Variants in NAV3 observed in about 807,000 individuals in gnomAD.
NAV3 encodes the protein neuron navigator 3.
Under a neutral mutation model 244.7 loss-of-function variants are expected in NAV3, and 87 were observed. The ratio of observed to expected loss-of-function variants is 0.36; its 90% CI spans 0.30 to 0.42. The LOEUF (loss-of-function observed/expected upper bound fraction) is 0.42. Among genes scored for constraint, NAV3 ranks in the 20% least tolerant of loss-of-function variants. The probability of loss-of-function intolerance (pLI) is 1.00; values close to 1 mark genes in which losing one functional copy is unlikely to be tolerated. For synonymous variants in NAV3, 1,126 were observed against 1,042.2 expected (o/e 1.08, Z -1.55); for missense variants, 2,663 against 2,893.3 (o/e 0.92, Z 1.83).
chr12:78,115,306 AG>A (rs1032896738), intron 12 of NAV3, among the ~76,000 whole-genome samples: 1 of 152,162 alleles, frequency 6.6e-6, no homozygotes, highest in Admixed American at 6.5e-5. Context: ...TCTTTACAGC[AG>A]TGCCCCACTC....
At chr12:77,766,067 G>A (rs1172294286) in intron 2 of NAV3, among the ~76,000 whole-genome samples, 1 of 152,108 alleles carries the variant, frequency 6.6e-6, no homozygotes, top group Non-Finnish European at 1.5e-5. Flanking sequence ...AGGAGATATT[G>A]AATGGTCAAA....
intron 9 of NAV3, among the ~76,000 whole-genome samples, chr12:78,044,048 G>GT (rs1345987915): frequency 1.3e-5 from 2 of 152,284 alleles, no homozygotes; most frequent in South Asian, 2.1e-4. Context: ...TTCTTCTAGG[G>GT]TTTTTATGGT....
chr12:77,698,326 C>G (rs1196934013), intron 2 of NAV3, among the ~76,000 whole-genome samples: 1 of 152,062 alleles, frequency 6.6e-6, no homozygotes, highest in Admixed American at 6.6e-5. Flanking sequence ...CGAATCATTT[C>G]TCCATTTATT....
intron 2 of NAV3, among the ~76,000 whole-genome samples, chr12:77,586,233 T>C (rs926287889): frequency 2.6e-5 from 4 of 152,234 alleles, no homozygotes; most frequent in African/African-American, 9.6e-5. Context: ...CTCTATTCTG[T>C]ATCTTCTTAT....
intron 2 of NAV3, among the ~76,000 whole-genome samples, chr12:77,580,909 G>T (rs188384112): frequency 6.6e-6 from 1 of 152,290 alleles, no homozygotes; most frequent in East Asian, 1.9e-4. Flanking sequence ...TAAATCCACA[G>T]GGGGAATATG....
intron 2 of NAV3, among the ~76,000 whole-genome samples, chr12:77,596,774 G>C (rs1419945133): frequency 6.6e-6 from 1 of 152,038 alleles, no homozygotes; most frequent in African/African-American, 2.4e-5. Flanking sequence ...CGAAGGAGTG[G>C]GCTTGGGTGA....
chr12:77,604,301 CAAAA>C (rs1870573596), intron 2 of NAV3, among the ~76,000 whole-genome samples: 1 of 151,384 alleles, frequency 6.6e-6, no homozygotes, highest in South Asian at 2.1e-4. Flanking sequence ...AGCAGAAAGA[CAAAA>C]GAAAATTGAA....
In NAV3 at chr12:78,006,595, T is replaced by G. The variant is rs768621313; in HGVS notation, c.1057T>G (p.Ser353Ala). The change falls in exon 8 of 40, where the codon TCA becomes GCA. Residue 353 changes from serine to alanine, a missense_variant. Physicochemically the swap from Ser to Ala is moderately conservative, Grantham distance 99. Transcript: ENST00000397909. ...ATSTMLTVKQ[S>A]STATSPTPSS... ...CTCCACCATGTTGACTGTAAAGCAG[T>G]CAAGTACAGCCACCTCCCCCACACC... 4 of 1,613,812 alleles carry G rather than the reference T, an allele frequency of 2.5e-6. No individual in the cohort carries two copies. The highest frequency in any genetic ancestry group is 3.4e-6 in the Non-Finnish European group (4 of 1,179,988).
At chr12:77,927,262 T>C (rs1219066136) in intron 1 of NAV3, among the ~76,000 whole-genome samples, 2 of 152,236 alleles carry the variant, frequency 1.3e-5, no homozygotes, top group African/African-American at 4.8e-5. Context: ...TGGAGCTCTC[T>C]GTTAGTACTA....
chr12:77,732,661 T>C (rs1003354022), intron 2 of NAV3, among the ~76,000 whole-genome samples: 8 of 151,986 alleles, frequency 5.3e-5, no homozygotes, highest in African/African-American at 9.7e-5. Flanking sequence ...TCATTCCCAT[T>C]TTGCAAATGG....
intron 2 of NAV3, among the ~76,000 whole-genome samples, chr12:77,746,196 C>T (rs1168039227): frequency 6.6e-6 from 1 of 152,162 alleles, no homozygotes; most frequent in Admixed American, 6.6e-5. Context: ...CAAACATTTT[C>T]TCACGGGGAT....
At chr12:78,058,869 A>C (rs995022238) in intron 11 of NAV3, 127 bp from the exon 12 acceptor site, 7 of 753,656 alleles carry the variant, frequency 9.3e-6, no homozygotes, top group African/African-American at 1.8e-5. Context: ...TATACAGAAT[A>C]AAAAACAAGA....
intron 6 of NAV3, among the ~76,000 whole-genome samples, chr12:77,995,615 A>G (rs1872224893): frequency 6.6e-6 from 1 of 152,176 alleles, no homozygotes; most frequent in Non-Finnish European, 1.5e-5. Context: ...TTACTGTTCC[A>G]TTGATGAATC....
chr12:77,711,223 C>T (rs956498848), intron 2 of NAV3, among the ~76,000 whole-genome samples: 1 of 152,174 alleles, frequency 6.6e-6, no homozygotes, highest in Non-Finnish European at 1.5e-5. Context: ...GTCAGAATTA[C>T]CAGGGTGATC....
intron 9 of NAV3, chr12:78,037,525 C>T: frequency 1.7e-6 from 1 of 586,910 alleles, no homozygotes. Context: ...TTTTAAATTC[C>T]TGTTTCTTGA....
At chr12:77,870,146 C>G (rs1416972011) in intron 1 of NAV3, among the ~76,000 whole-genome samples, 1 of 152,038 alleles carries the variant, frequency 6.6e-6, no homozygotes, top group Non-Finnish European at 1.5e-5. Context: ...GCTGGTGGAT[C>G]ATGAGGCCAA....
intron 2 of NAV3, among the ~76,000 whole-genome samples, chr12:77,678,800 A>C (rs1874320191): frequency 6.6e-6 from 1 of 151,874 alleles, no homozygotes; most frequent in Non-Finnish European, 1.5e-5. Flanking sequence ...GTACCCTAAG[A>C]AGTAGAGAAA....
At chr12:77,726,747 AAAC>A (rs1239111728) in intron 2 of NAV3, among the ~76,000 whole-genome samples, 1 of 151,890 alleles carries the variant, frequency 6.6e-6, no homozygotes, top group East Asian at 1.9e-4. Context: ...GACTTGAGTA[AAAC>A]AACAATAACA....
intron 1 of NAV3, among the ~76,000 whole-genome samples, chr12:77,857,896 A>G (rs1267220794): frequency 3.9e-5 from 6 of 151,944 alleles, no homozygotes; most frequent in Non-Finnish European, 5.9e-5. Flanking sequence ...GATGAGTTTT[A>G]TTGTTTTGTT....
Sources: allele counts gnomAD v4.1 joint callset (sites outside exome capture counted in the v4.1 genomes callset), GRCh38; gene constraint gnomAD v4.1.1; transcripts MANE v1.5; gene names NCBI Gene and HGNC (gene_info 2026-07-23, HGNC 2026-07-21).